ATG5: variants seen among roughly 807,000 people sequenced by gnomAD.
ATG5 encodes the protein autophagy related 5, also known as autophagy protein 5.
Under a neutral mutation model 36.5 loss-of-function variants are expected in ATG5, and 14 were observed. The observed-to-expected ratio is 0.38, with a 90% CI of 0.25 to 0.60. The LOEUF (loss-of-function observed/expected upper bound fraction) is 0.60. ATG5 is among the 20% of genes least tolerant of loss of function. The pLI, the probability that ATG5 is intolerant of heterozygous loss-of-function variation, is 0.60. For missense variants in ATG5, 195 were observed against 326.7 expected (o/e 0.60, Z 3.11); for synonymous variants, 95 against 101.5 (o/e 0.94, Z 0.38).
chr6:106,258,212 A>G (rs558323476), intron 5 of ATG5, among the ~76,000 whole-genome samples: 1 of 151,774 alleles, frequency 6.6e-6, no homozygotes, highest in Admixed American at 6.6e-5. Context: ...CTAACAAAAA[A>G]AAAAAATTAG....
intron 3 of ATG5, among the ~76,000 whole-genome samples, chr6:106,304,757 C>T (rs1412278681): frequency 6.6e-6 from 1 of 152,160 alleles, no homozygotes; most frequent in African/African-American, 2.4e-5. Context: ...AGCTACACAA[C>T]TGTACACAAT....
At chr6:106,322,146 G>A (rs917194001) in intron 1 of ATG5, among the ~76,000 whole-genome samples, 2 of 152,146 alleles carry the variant, frequency 1.3e-5, no homozygotes, top group African/African-American at 4.8e-5. Flanking sequence ...AGTTTCTTGA[G>A]GGCAGGGGCT....
At chr6:106,249,307 GTTTGCCTATTCCAGACA>G (rs1297517185) in intron 5 of ATG5, among the ~76,000 whole-genome samples, 1 of 152,070 alleles carries the variant, frequency 6.6e-6, no homozygotes, top group African/African-American at 2.4e-5. Flanking sequence ...TATCTCTATA[GTTTGCCTATTCCAGACA>G]TTTCATATAA....
At chr6:106,201,631 T>C (rs939160456) in intron 7 of ATG5, 1 of 155,524 alleles carries the variant, frequency 6.4e-6, no homozygotes, top group Non-Finnish European at 1.4e-5. Context: ...GAAAATTATT[T>C]TTACCATTTC....
chr6:106,297,928 G>C (rs562979296), intron 3 of ATG5, among the ~76,000 whole-genome samples: 5 of 150,956 alleles, frequency 3.3e-5, no homozygotes, highest in African/African-American at 9.7e-5. Flanking sequence ...AGCCAGGCAT[G>C]ATCTGTACTC....
At chr6:106,230,586 T>C (rs1477936937) in intron 6 of ATG5, among the ~76,000 whole-genome samples, 3 of 152,288 alleles carry the variant, frequency 2.0e-5, no homozygotes, top group Non-Finnish European at 4.4e-5. Flanking sequence ...ATTAGGACCA[T>C]AGAGGACGCT....
chr6:106,237,222 CAAAACTA>C (rs1777936623), intron 6 of ATG5, among the ~76,000 whole-genome samples: 1 of 151,926 alleles, frequency 6.6e-6, no homozygotes, highest in East Asian at 1.9e-4. Context: ...TAAATAAAAG[CAAAACTA>C]AACCCAATAA....
chr6:106,239,447 CAGACAGGACA>C (rs1315773571), intron 6 of ATG5, among the ~76,000 whole-genome samples: 2 of 152,096 alleles, frequency 1.3e-5, no homozygotes, highest in Non-Finnish European at 2.9e-5. Flanking sequence ...CATCTCTAAT[CAGACAGGACA>C]CTATGGGGAA....
chr6:106,231,096 A>G (rs960870839), intron 6 of ATG5, among the ~76,000 whole-genome samples: 3 of 152,150 alleles, frequency 2.0e-5, no homozygotes, highest in African/African-American at 7.2e-5. Flanking sequence ...AAGAATGCCA[A>G]TATTCCCCGA....
chr6:106,209,979 T>C (rs1042792624), intron 6 of ATG5, among the ~76,000 whole-genome samples: 1 of 152,230 alleles, frequency 6.6e-6, no homozygotes, highest in African/African-American at 2.4e-5. Context: ...CATATTGGAA[T>C]TCCTGAATTG....
chr6:106,232,762 C>T (rs951317302), intron 6 of ATG5, among the ~76,000 whole-genome samples: 6 of 152,146 alleles, frequency 3.9e-5, no homozygotes, highest in South Asian at 2.1e-4. Flanking sequence ...AGGTCACTGT[C>T]CCTCTATACC....
intron 5 of ATG5, among the ~76,000 whole-genome samples, chr6:106,278,488 A>G (rs1284600228): frequency 2.0e-5 from 3 of 152,170 alleles, no homozygotes; most frequent in Non-Finnish European, 2.9e-5. Flanking sequence ...TCCTTTTGTC[A>G]CAACTACTTT....
rs1039334097 is a variant in ATG5, at chr6:106,208,958, G to A, written c.574-6869C>T. Among the ~76,000 whole-genome samples, 5 of 152,236 alleles carry A rather than the reference G, an allele frequency of 3.3e-5. No homozygotes were observed. In the East Asian group the frequency reaches 9.6e-4, roughly 29 times the overall value. ...ACACATCATTAGCCATTAAAGAAATGCAAATTAAAACCACAATGTGATATC... is the reference window on the plus strand; with the variant it reads ...ACACATCATTAGCCATTAAAGAAATACAAATTAAAACCACAATGTGATATC... On this transcript the variant is annotated intron_variant, in intron 6 of 7. Transcript: ENST00000369076.
chr6:106,228,062 C>T (rs1181750593), intron 6 of ATG5, among the ~76,000 whole-genome samples: 8 of 152,158 alleles, frequency 5.3e-5, no homozygotes, highest in Non-Finnish European at 5.9e-5. Context: ...AGCTTGGGTG[C>T]AATTATCCCA....
chr6:106,292,971 G>A (rs1230976237), intron 4 of ATG5, 57 bp downstream of exon 4: 30 of 1,368,612 alleles, frequency 2.2e-5, no homozygotes, highest in Non-Finnish European at 2.3e-5. Context: ...AATTCTACTC[G>A]AAGTCTATTT....
chr6:106,302,613 AT>A (rs1770264121), intron 3 of ATG5, among the ~76,000 whole-genome samples: 1 of 152,128 alleles, frequency 6.6e-6, no homozygotes, highest in African/African-American at 2.4e-5. Context: ...CAGAATCACA[AT>A]CTAGAGGCTA....
At chr6:106,269,027 C>T (rs886133147) in intron 5 of ATG5, among the ~76,000 whole-genome samples, 1 of 152,146 alleles carries the variant, frequency 6.6e-6, no homozygotes, top group Non-Finnish European at 1.5e-5. Flanking sequence ...GCACATGTAT[C>T]CTAGAACTTA....
chr6:106,308,586 G>T, intron 2 of ATG5, 95 bp from the exon 3 acceptor site: 1 of 963,812 alleles, frequency 1.0e-6, no homozygotes, highest in Non-Finnish European at 1.4e-6. Flanking sequence ...AAACAGCCGT[G>T]TTCTTTGCAT....
intron 3 of ATG5, among the ~76,000 whole-genome samples, chr6:106,295,775 G>A (rs1769901374): frequency 1.3e-5 from 2 of 151,788 alleles, no homozygotes; most frequent in Admixed American, 6.6e-5. Flanking sequence ...TGTTGCCCAG[G>A]CTGGTCTCAA....
Sources: allele counts gnomAD v4.1 joint callset (sites outside exome capture counted in the v4.1 genomes callset), GRCh38; gene constraint gnomAD v4.1.1; transcripts MANE v1.5; gene names NCBI Gene and HGNC (gene_info 2026-07-23, HGNC 2026-07-21).